The following CPNE1 variants were observed in gnomAD, a reference collection of about 807,000 sequenced individuals.
CPNE1 encodes the protein copine 1, also known as copine-1.
Under a neutral mutation model 63.2 loss-of-function variants are expected in CPNE1, and 58 were observed. The ratio of observed to expected loss-of-function variants is 0.92; its 90% CI spans 0.74 to 1.14. CPNE1 has a LOEUF of 1.14. Ranked by LOEUF, CPNE1 falls within the 50% of genes most tolerant of loss-of-function variation. The probability of loss-of-function intolerance (pLI) is 0.00; values close to 1 mark genes in which losing one functional copy is unlikely to be tolerated. For synonymous variants in CPNE1, 237 were observed against 249.0 expected (o/e 0.95, Z 0.45); for missense variants, 672 against 661.7 (o/e 1.02, Z -0.17).
In CPNE1 at chr20:35,631,275, A is replaced by G. The variant is rs2032116222; in HGVS notation, c.794T>C (p.Ile265Thr). ...CATGGGCTTTTGTCTCACCCGACAA[A>G]TCTTGACACGGATAGTTCCAGAGTT... ...YKNSGTIRVKICRVETEYSFL... is the reference protein window; with the variant it reads ...YKNSGTIRVKTCRVETEYSFL... The change falls in exon 9 of 16, where the codon ATT becomes ACT. Residue 265 changes from isoleucine (I) to threonine (T), a missense_variant. Transcript: ENST00000397443. 1 of 1,614,170 alleles carries G rather than the reference A, an allele frequency of 6.2e-7. No homozygotes were observed. Among genetic ancestry groups the G allele is most frequent in the Non-Finnish European group, 8.5e-7 (1 of 1,180,020 alleles).
At chr20:35,648,282 CA>C (rs1174661352) in intron 1 of CPNE1, among the ~76,000 whole-genome samples, 1 of 152,046 alleles carries the variant, frequency 6.6e-6, no homozygotes, top group Non-Finnish European at 1.5e-5. Context: ...AAAGGAAAGC[CA>C]TAAGTTTGAT....
chr20:35,654,375 C>G, intron 1 of CPNE1: 1 of 1,614,212 alleles, frequency 6.2e-7, no homozygotes, highest in Non-Finnish European at 8.5e-7. Flanking sequence ...CATCATTTTC[C>G]ATTGCAGAAA....
intron 13 of CPNE1, among the ~76,000 whole-genome samples, chr20:35,629,984 A>G (rs1043518952): frequency 6.6e-6 from 1 of 152,126 alleles, no homozygotes; most frequent in Non-Finnish European, 1.5e-5. Flanking sequence ...TTGATTCCAG[A>G]GGCCTAGCTC....
chr20:35,641,643 C>T (rs1052532681), intron 1 of CPNE1, among the ~76,000 whole-genome samples: 2 of 152,162 alleles, frequency 1.3e-5, no homozygotes, highest in South Asian at 4.1e-4. Flanking sequence ...TAGCTATTAT[C>T]GTTATCCTTC....
At chr20:35,653,412 C>G in intron 1 of CPNE1, 1 of 1,614,092 alleles carries the variant, frequency 6.2e-7, no homozygotes, top group Non-Finnish European at 8.5e-7. Flanking sequence ...TCTTTAATCC[C>G]TTTTTTCCTT....
At position 35,658,885 on chromosome 20, in the gene CPNE1, AT is replaced by A. The variant is rs1465544627; in HGVS notation, c.-1+5874del. The A allele has an allele frequency of 7.0e-6, 5 of 709,978 alleles. No homozygotes were observed. In the African/African-American group the frequency reaches 8.9e-5, roughly 13 times the overall value. 44.0% of individuals were successfully genotyped at this position (709,978 alleles called of 1,614,324 possible). A position where few individuals can be genotyped will look rare whatever the true frequency, so the allele number is the denominator to read the frequency against. On this transcript the variant is annotated intron_variant, in intron 1 of 15. Coordinates refer to ENST00000397443, the MANE Select transcript of CPNE1 (RefSeq NM_152925.3). ...TTCATATTTCTTAATAAGCTATCTC[AT>A]TTTATTTTGTATAAAAACGAACTCT...
In CPNE1 at chr20:35,626,807, G is replaced by A. The variant is rs1186613924; in HGVS notation, c.1237-4C>T. ...GCAGCAACAGCATGAAGTATTGCTG[G>A]GGACAAGCCCATTCATGTCCTGAAG... On this transcript the variant is annotated splice_polypyrimidine_tract_variant and splice_region_variant and intron_variant, in intron 14 of 15. Coordinates refer to ENST00000397443, the MANE Select transcript of CPNE1 (RefSeq NM_152925.3). 1 of 1,609,896 alleles carries A rather than the reference G, an allele frequency of 6.2e-7. No homozygotes were observed. Among genetic ancestry groups the A allele is most frequent in the African/African-American group, 1.3e-5 (1 of 74,914 alleles).
intron 1 of CPNE1, among the ~76,000 whole-genome samples, chr20:35,648,570 G>C (rs1568927806): frequency 6.6e-6 from 1 of 152,152 alleles, no homozygotes; most frequent in African/African-American, 2.4e-5. Context: ...CTACTACCTG[G>C]AATTATATGT....
At chr20:35,657,163 A>G (rs944256568) in intron 1 of CPNE1, among the ~76,000 whole-genome samples, 3 of 152,240 alleles carry the variant, frequency 2.0e-5, no homozygotes, top group Non-Finnish European at 4.4e-5. Context: ...GGCCATTATA[A>G]AGCACTAGAA....
intron 1 of CPNE1, among the ~76,000 whole-genome samples, chr20:35,656,665 G>C (rs1216329135): frequency 3.3e-5 from 5 of 152,288 alleles, no homozygotes; most frequent in African/African-American, 1.2e-4. Flanking sequence ...CTCCCAAGTA[G>C]CTGGGATTAC....
At chr20:35,628,201 C>T (rs889827367) in intron 13 of CPNE1, among the ~76,000 whole-genome samples, 1 of 151,900 alleles carries the variant, frequency 6.6e-6, no homozygotes, top group Admixed American at 6.6e-5. Flanking sequence ...AGGAGAATGG[C>T]GTGAACCCAG....
chr20:35,627,523 A>G (rs563028591), intron 13 of CPNE1, 110 bp from the exon 14 acceptor site: 263 of 1,105,210 alleles, frequency 2.4e-4, no homozygotes, highest in Middle Eastern at 1.8e-3. Context: ...GGTGCATTTC[A>G]TTCATTCACC....
rs1216489691 is a variant in CPNE1 at position 35,630,789 on chromosome 20, C to T, written c.1002G>A (p.Lys334=). ...CCCCAAATCCAAATGCAGGGAACAG[C>T]TTGTCTCTGTGGGAGGACAGTGTAT... is the stretch of plus-strand genomic sequence containing the variant. ...GSVVQDYDSD[K]LFPAFGFGAQ... Residue 334 remains lysine (K), a synonymous_variant, in exon 12 of 16, where the codon AAG becomes AAA. Coordinates refer to ENST00000397443, the MANE Select transcript of CPNE1 (RefSeq NM_152925.3). 6.2e-7 allele frequency: 1 copy of T among 1,613,562 alleles called. No individual in the cohort carries two copies. The highest frequency in any genetic ancestry group is 8.5e-7 in the Non-Finnish European group (1 of 1,179,804).
At chr20:35,663,785 C>T (rs2034372008) in intron 1 of CPNE1, among the ~76,000 whole-genome samples, 1 of 152,208 alleles carries the variant, frequency 6.6e-6, no homozygotes, top group African/African-American at 2.4e-5. Context: ...AAGCCTGCTG[C>T]ACTGGCGTCC....
intron 1 of CPNE1, chr20:35,654,644 G>C (rs2033778422): frequency 1.2e-6 from 2 of 1,614,054 alleles, no homozygotes; most frequent in Non-Finnish European, 1.7e-6. Context: ...GGAACTGGGG[G>C]AATCGGGGGC....
intron 1 of CPNE1, among the ~76,000 whole-genome samples, chr20:35,664,196 G>A (rs976927438): frequency 3.3e-5 from 5 of 152,114 alleles, no homozygotes; most frequent in South Asian, 2.1e-4. Flanking sequence ...TTCAGGCCAC[G>A]AAGGCGGCCG....
intron 1 of CPNE1, among the ~76,000 whole-genome samples, chr20:35,656,303 T>C (rs1441726716): frequency 6.6e-6 from 1 of 152,206 alleles, no homozygotes; most frequent in East Asian, 1.9e-4. Flanking sequence ...ACACAACTCC[T>C]ACAGGATCTC....
rs549372063 is a variant in CPNE1, at chr20:35,646,252, C to CAA, written c.1-13331_1-13330dup. 4.6e-3 allele frequency among the ~76,000 whole-genome samples: 270 copies of CAA among 58,288 alleles called. 14 individuals carry two copies. Among genetic ancestry groups the CAA allele is most frequent in the Non-Finnish European group, 8.1e-3 (211 of 25,906 alleles). 38.2% of individuals were successfully genotyped at this position (58,288 alleles called of 152,430 possible). A position where few individuals can be genotyped will look rare whatever the true frequency, so the allele number is the denominator to read the frequency against. On this transcript the variant is annotated intron_variant, in intron 1 of 15. Transcript: ENST00000397443. ...CCTGGGCAGCAGAGCAAGACCATCTCAAAAAAAAAAAAAAAAAAAAAAAAA... is the reference window on the plus strand; with the variant it reads ...CCTGGGCAGCAGAGCAAGACCATCTCAAAAAAAAAAAAAAAAAAAAAAAAAAA...
chr20:35,629,458 C>A (rs1007213866), intron 13 of CPNE1, among the ~76,000 whole-genome samples: 2 of 152,020 alleles, frequency 1.3e-5, no homozygotes, highest in African/African-American at 4.8e-5. Context: ...CACTGATGCT[C>A]AAGTAAGTAC....
Sources: gnomAD v4.1 joint callset for allele counts (sites outside exome capture counted in the v4.1 genomes callset) on GRCh38, gnomAD v4.1.1 for gene constraint, MANE v1.5 for transcripts, NCBI Gene and HGNC (gene_info 2026-07-23, HGNC 2026-07-21) for gene names.